PELI2: variants seen among roughly 807,000 people sequenced by gnomAD.
The protein encoded by PELI2 is pellino E3 ubiquitin protein ligase family member 2.
Under a neutral mutation model 42.3 loss-of-function variants are expected in PELI2, and 23 were observed. The ratio of observed to expected loss-of-function variants is 0.54; its 90% CI spans 0.39 to 0.77. The LOEUF (loss-of-function observed/expected upper bound fraction) is 0.77. Among genes scored for constraint, PELI2 ranks in the 30% least tolerant of loss-of-function variants. The pLI is 0.00. For missense variants in PELI2, 463 were observed against 553.2 expected, an observed-to-expected ratio of 0.84 and a Z score of 1.64; for synonymous variants, 245 against 212.2, an observed-to-expected ratio of 1.15 and a Z score of -1.34.
At chr14:56,252,477 G>A (rs1015116313) in intron 2 of PELI2, among the ~76,000 whole-genome samples, 2 of 152,196 alleles carry the variant, frequency 1.3e-5, no homozygotes, top group African/African-American at 4.8e-5. Context: ...CGTATTGTAA[G>A]ATGAGTGTTG....
chr14:56,231,374 C>T (rs1266752142), intron 2 of PELI2, among the ~76,000 whole-genome samples: 1 of 152,206 alleles, frequency 6.6e-6, no homozygotes, highest in Non-Finnish European at 1.5e-5. Flanking sequence ...CACTCCTCAG[C>T]AAATGTAAAA....
intron 1 of PELI2, among the ~76,000 whole-genome samples, chr14:56,161,573 G>A (rs1282356602): frequency 6.6e-6 from 1 of 152,084 alleles, no homozygotes; most frequent in East Asian, 1.9e-4. Context: ...GCGCCTGGCT[G>A]GGTCTTTCAT....
At chr14:56,134,109 T>C (rs1038053185) in intron 1 of PELI2, among the ~76,000 whole-genome samples, 11 of 152,208 alleles carry the variant, frequency 7.2e-5, no homozygotes, top group Admixed American at 2.0e-4. Flanking sequence ...CACATAAATA[T>C]AGTAAGTACT....
chr14:56,120,807 G>C (rs1404195714), intron 1 of PELI2, among the ~76,000 whole-genome samples: 5 of 152,162 alleles, frequency 3.3e-5, no homozygotes, highest in African/African-American at 1.2e-4. Flanking sequence ...GGTGGGTATT[G>C]GTTTCTTCGG....
chr14:56,221,823 TG>T (rs1282955591), intron 2 of PELI2, among the ~76,000 whole-genome samples: 1 of 152,214 alleles, frequency 6.6e-6, no homozygotes, highest in Non-Finnish European at 1.5e-5. Flanking sequence ...ACGAATTGCT[TG>T]GTTCCTTTTG....
At position 56,246,172 on chromosome 14, in the gene PELI2, T is replaced by C. The variant is rs1888147361; in HGVS notation, c.208-33504T>C. 2.0e-5 allele frequency among the ~76,000 whole-genome samples: 3 copies of C among 152,144 alleles called. No homozygotes were observed. The South Asian group carries it at 6.2e-4, about 31-fold the overall frequency. On this transcript the variant is annotated intron_variant, in intron 2 of 5. Transcript: ENST00000267460. ...CCTGGTGCGTTCTCCATGTACTTTCTCTCATGGGGCAAACAGAGGTTGTAA... is the reference window on the plus strand; with the variant it reads ...CCTGGTGCGTTCTCCATGTACTTTCCCTCATGGGGCAAACAGAGGTTGTAA...
intron 1 of PELI2, among the ~76,000 whole-genome samples, chr14:56,176,557 C>T (rs1056376948): frequency 4.6e-5 from 7 of 152,116 alleles, no homozygotes; most frequent in African/African-American, 1.2e-4. Flanking sequence ...AGCAAAGGGC[C>T]GTGATATCCT....
intron 2 of PELI2, among the ~76,000 whole-genome samples, chr14:56,220,564 C>A (rs753571979): frequency 1.3e-5 from 2 of 151,976 alleles, no homozygotes; most frequent in Non-Finnish European, 2.9e-5. Flanking sequence ...GTGATTGTGC[C>A]AAAAAATCAT....
intron 1 of PELI2, among the ~76,000 whole-genome samples, chr14:56,157,077 T>A (rs2139632487): frequency 6.6e-6 from 1 of 152,370 alleles, no homozygotes; most frequent in Middle Eastern, 3.4e-3. Context: ...GTTATTGTAT[T>A]CATGTATTTT....
At chr14:56,200,121 C>A (rs912902447) in intron 2 of PELI2, among the ~76,000 whole-genome samples, 2 of 62,062 alleles carry the variant, frequency 3.2e-5, no homozygotes, top group African/African-American at 8.0e-5. Flanking sequence ...TCTTTTTAAT[C>A]TGTGTCATAA....
At chr14:56,141,183 C>T (rs763635106) in intron 1 of PELI2, among the ~76,000 whole-genome samples, 69 of 152,298 alleles carry the variant, frequency 4.5e-4, no homozygotes, top group African/African-American at 1.4e-3. Context: ...TTTCATTCAA[C>T]TTAAGACAAA....
At chr14:56,186,668 C>G (rs1885779137) in intron 2 of PELI2, among the ~76,000 whole-genome samples, 1 of 152,016 alleles carries the variant, frequency 6.6e-6, no homozygotes, top group Admixed American at 6.6e-5. Context: ...TTTTAAAATT[C>G]TTTTGGATGG....
At chr14:56,246,961 T>C (rs540522042) in intron 2 of PELI2, among the ~76,000 whole-genome samples, 17 of 152,180 alleles carry the variant, frequency 1.1e-4, no homozygotes, top group Non-Finnish European at 1.9e-4. Context: ...CCAGTAACCA[T>C]GTGGTAGTGT....
intron 1 of PELI2, among the ~76,000 whole-genome samples, chr14:56,152,719 G>C (rs1884409540): frequency 6.6e-6 from 1 of 152,032 alleles, no homozygotes; most frequent in South Asian, 2.1e-4. Context: ...AATATACCAA[G>C]GAAGTAAACA....
intron 2 of PELI2, among the ~76,000 whole-genome samples, chr14:56,184,535 A>G (rs1372929799): frequency 1.3e-5 from 2 of 152,082 alleles, no homozygotes; most frequent in Non-Finnish European, 2.9e-5. Flanking sequence ...TTTTCAAAGC[A>G]CCATAGATTG....
intron 1 of PELI2, among the ~76,000 whole-genome samples, chr14:56,126,496 G>T (rs1883268612): frequency 6.6e-6 from 1 of 152,284 alleles, no homozygotes; most frequent in South Asian, 2.1e-4. Context: ...TTCAAGCTTT[G>T]TACTTCCATT....
At chr14:56,233,627 C>T (rs972628526) in intron 2 of PELI2, among the ~76,000 whole-genome samples, 4 of 152,100 alleles carry the variant, frequency 2.6e-5, no homozygotes, top group Admixed American at 6.6e-5. Flanking sequence ...AAGACTTAAA[C>T]GTAAGACCTA....
chr14:56,300,150 T>G lies in PELI2; in HGVS notation c.*2984T>G, dbSNP rs1398703154. Reference sequence around the variant, plus strand: ...ATATAAATAGAGAACATATTTATCATTCCTCGATAGTTAATTATAGACTTT... The same window carrying G: ...ATATAAATAGAGAACATATTTATCAGTCCTCGATAGTTAATTATAGACTTT... On this transcript the variant is annotated 3_prime_UTR_variant, in exon 6 of 6. Coordinates refer to ENST00000267460, the MANE Select transcript of PELI2 (RefSeq NM_021255.3). 1 of 152,660 alleles carries G rather than the reference T, an allele frequency of 6.6e-6. No homozygotes were observed. Among genetic ancestry groups the G allele is most frequent in the Non-Finnish European group, 1.5e-5 (1 of 68,046 alleles). 9.5% of individuals were successfully genotyped at this position (152,660 alleles called of 1,614,324 possible). A position where few individuals can be genotyped will look rare whatever the true frequency, so the allele number is the denominator to read the frequency against.
rs993060828 is a variant in PELI2 at position 56,295,696 on chromosome 14, C to T, written c.697-904C>T. 1.1e-4 allele frequency among the ~76,000 whole-genome samples: 16 copies of T among 152,290 alleles called. No individual in the cohort carries two copies. In the South Asian group the frequency reaches 1.7e-3, roughly 16 times the overall value. ...GTTTAAACAAGGGGAAACTGAGGCA[C>T]GAGGAGTTTAAGTAATCTGCACAGC... On this transcript the variant is annotated intron_variant, in intron 5 of 5. Transcript: ENST00000267460.
Sources: gnomAD v4.1 joint callset for allele counts (sites outside exome capture counted in the v4.1 genomes callset) on GRCh38, gnomAD v4.1.1 for gene constraint, MANE v1.5 for transcripts, NCBI Gene and HGNC (gene_info 2026-07-23, HGNC 2026-07-21) for gene names.